The following KCND2 variants were observed in gnomAD, a reference collection of about 807,000 sequenced individuals.
KCND2 encodes the protein A-type voltage-gated potassium channel KCND2.
In KCND2, 16 loss-of-function variants were observed where a neutral mutation model predicts 54.4. The observed-to-expected ratio is 0.29, with a 90% CI of 0.20 to 0.45. The LOEUF is 0.45. Ranked by LOEUF, KCND2 falls within the 20% of genes least tolerant of loss-of-function variation. The pLI, the probability that KCND2 is intolerant of heterozygous loss-of-function variation, is 1.00. For synonymous variants in KCND2, 317 were observed against 310.7 expected (o/e 1.02, Z -0.21); for missense variants, 486 against 824.2 (o/e 0.59, Z 5.02).
intron 1 of KCND2, among the ~76,000 whole-genome samples, chr7:120,705,308 C>T (rs909748486): frequency 6.6e-6 from 1 of 152,066 alleles, no homozygotes; most frequent in Admixed American, 6.6e-5. Flanking sequence ...TCCTTGCATT[C>T]AAAAATCATG....
chr7:120,317,629 G>T (rs905734757), intron 1 of KCND2, among the ~76,000 whole-genome samples: 1 of 152,104 alleles, frequency 6.6e-6, no homozygotes, highest in Non-Finnish European at 1.5e-5. Flanking sequence ...TTAGAATACT[G>T]CAAAGTACAA....
At chr7:120,491,947 T>G (rs2116301588) in intron 1 of KCND2, among the ~76,000 whole-genome samples, 1 of 152,270 alleles carries the variant, frequency 6.6e-6, no homozygotes, top group African/African-American at 2.4e-5. Context: ...ACCATTTAAT[T>G]TAAATCTAAT....
intron 1 of KCND2, among the ~76,000 whole-genome samples, chr7:120,608,236 A>G (rs1204223614): frequency 6.6e-6 from 1 of 152,158 alleles, no homozygotes; most frequent in East Asian, 1.9e-4. Flanking sequence ...AGGATGAAAA[A>G]ATGAAAGTAC....
chr7:120,704,726 G>T (rs1030483959), intron 1 of KCND2, among the ~76,000 whole-genome samples: 3 of 152,110 alleles, frequency 2.0e-5, no homozygotes, highest in Admixed American at 2.0e-4. Context: ...TTTGTAGTCA[G>T]CCTGACCTGG....
intron 1 of KCND2, among the ~76,000 whole-genome samples, chr7:120,671,100 AATGAG>A (rs1338442567): frequency 6.6e-6 from 1 of 152,048 alleles, no homozygotes; most frequent in African/African-American, 2.4e-5. Context: ...GTTCATTTTT[AATGAG>A]ATAAGATTCG....
chr7:120,333,905 A>G (rs1800105929), intron 1 of KCND2, among the ~76,000 whole-genome samples: 2 of 152,158 alleles, frequency 1.3e-5, no homozygotes, highest in African/African-American at 2.4e-5. Flanking sequence ...AGATCTTAAC[A>G]ATATGTGACT....
chr7:120,684,094 A>G (rs967540544), intron 1 of KCND2, among the ~76,000 whole-genome samples: 17 of 152,258 alleles, frequency 1.1e-4, no homozygotes, highest in Admixed American at 1.1e-3. Context: ...GTACTTCATC[A>G]TCACCTGAAA....
chr7:120,342,169 A>G (rs1484940736), intron 1 of KCND2, among the ~76,000 whole-genome samples: 1 of 152,194 alleles, frequency 6.6e-6, no homozygotes, highest in Admixed American at 6.5e-5. Context: ...GAGAATTTGC[A>G]TGAAAGAGTA....
intron 1 of KCND2, among the ~76,000 whole-genome samples, chr7:120,609,389 G>T (rs1792922788): frequency 6.6e-6 from 1 of 151,982 alleles, no homozygotes; most frequent in Non-Finnish European, 1.5e-5. Flanking sequence ...AGCAGACTTG[G>T]AAACTTACTA....
At chr7:120,367,133 G>A (rs917051904) in intron 1 of KCND2, among the ~76,000 whole-genome samples, 5 of 152,064 alleles carry the variant, frequency 3.3e-5, no homozygotes, top group Non-Finnish European at 5.9e-5. Context: ...TTTACATAAG[G>A]TGGTTGTCAT....
intron 1 of KCND2, among the ~76,000 whole-genome samples, chr7:120,732,338 G>A (rs1378668186): frequency 1.3e-5 from 2 of 152,120 alleles, no homozygotes; most frequent in Non-Finnish European, 2.9e-5. Context: ...GGAGAGAATA[G>A]TCAACTAATA....
intron 1 of KCND2, among the ~76,000 whole-genome samples, chr7:120,521,222 T>G (rs1562862505): frequency 2.0e-5 from 3 of 152,106 alleles, no homozygotes; most frequent in Admixed American, 1.3e-4. Context: ...TATTCTAATT[T>G]AAAATAACCT....
intron 1 of KCND2, among the ~76,000 whole-genome samples, chr7:120,541,929 A>G (rs1358611102): frequency 6.6e-6 from 1 of 152,214 alleles, no homozygotes; most frequent in Non-Finnish European, 1.5e-5. Context: ...ATGATGAAGA[A>G]TAAATCATTA....
chr7:120,298,961 CA>C (rs1799548453), intron 1 of KCND2, among the ~76,000 whole-genome samples: 1 of 152,074 alleles, frequency 6.6e-6, no homozygotes, highest in Non-Finnish European at 1.5e-5. Flanking sequence ...AGTTCGAGAC[CA>C]GCCTGGCCAA....
At chr7:120,728,768 A>G (rs1394225337) in intron 1 of KCND2, among the ~76,000 whole-genome samples, 1 of 152,092 alleles carries the variant, frequency 6.6e-6, no homozygotes, top group Non-Finnish European at 1.5e-5. Context: ...CTGAGTACAT[A>G]ATATAAAATT....
At chr7:120,641,274 T>C (rs1420070271) in intron 1 of KCND2, among the ~76,000 whole-genome samples, 1 of 152,076 alleles carries the variant, frequency 6.6e-6, no homozygotes, top group African/African-American at 2.4e-5. Flanking sequence ...CCTGTAATAT[T>C]GAACTAGAGG....
intron 1 of KCND2, among the ~76,000 whole-genome samples, chr7:120,646,257 A>G (rs1054791127): frequency 2.6e-5 from 4 of 152,128 alleles, no homozygotes; most frequent in African/African-American, 9.7e-5. Context: ...CTCTGCAACA[A>G]CATTGCTGTG....
At chr7:120,501,251 T>C (rs187220007) in intron 1 of KCND2, among the ~76,000 whole-genome samples, 90 of 152,264 alleles carry the variant, frequency 5.9e-4, no homozygotes, top group Non-Finnish European at 1.1e-3. Context: ...TGTAACTCAA[T>C]TTATGTGATT....
chr7:120,400,636 C>G (rs997553239), intron 1 of KCND2, among the ~76,000 whole-genome samples: 2 of 152,018 alleles, frequency 1.3e-5, no homozygotes, highest in Non-Finnish European at 2.9e-5. Flanking sequence ...AATTAAACTA[C>G]CACTGTGTTT....
Sources: allele counts gnomAD v4.1 joint callset (sites outside exome capture counted in the v4.1 genomes callset), GRCh38; gene constraint gnomAD v4.1.1; transcripts MANE v1.5; gene names NCBI Gene and HGNC (gene_info 2026-07-23, HGNC 2026-07-21).